Variants in TSNARE1 observed in about 807,000 individuals in gnomAD.
The protein encoded by TSNARE1 is t-SNARE domain-containing protein 1.
In TSNARE1, 49 loss-of-function variants were observed where a neutral mutation model predicts 62.0. The ratio of observed to expected loss-of-function variants is 0.79; its 90% CI spans 0.63 to 1.00. The LOEUF (loss-of-function observed/expected upper bound fraction) is 1.00, where lower values mean the gene tolerates loss of function less well. TSNARE1 is among the 50% of genes least tolerant of loss of function. The pLI, the probability that TSNARE1 is intolerant of heterozygous loss-of-function variation, is 0.00. For synonymous variants in TSNARE1, 328 were observed against 294.4 expected, an observed-to-expected ratio of 1.11 and a Z score of -1.17; for missense variants, 755 against 700.1, an observed-to-expected ratio of 1.08 and a Z score of -0.88.
At chr8:142,281,596 GAC>G (rs1200407605) in intron 11 of TSNARE1, among the ~76,000 whole-genome samples, 2 of 151,990 alleles carry the variant, frequency 1.3e-5, no homozygotes, top group Non-Finnish European at 2.9e-5. Context: ...GTCAGAACTG[GAC>G]ACAGTCACCC....
intron 1 of TSNARE1, among the ~76,000 whole-genome samples, chr8:142,385,791 T>C (rs563149525): frequency 4.6e-4 from 70 of 152,352 alleles, no homozygotes; most frequent in African/African-American, 1.6e-3. Context: ...TTCCAATGAC[T>C]GCCATATCAA....
intron 1 of TSNARE1, among the ~76,000 whole-genome samples, chr8:142,398,411 C>T (rs1838054260): frequency 6.6e-6 from 1 of 151,454 alleles, no homozygotes; most frequent in African/African-American, 2.4e-5. Flanking sequence ...TGCCCCCAAA[C>T]CCTCCCAAAG....
rs897077086 is a variant in TSNARE1, at chr8:142,316,766, G to A, written c.985-1674C>T. The stretch of plus-strand genomic sequence containing the variant: ...AACCATACACTGTGCGTTTTCTTGC[G>A]TGGGGGCATGCAGTCTTCCAGCCTC... On this transcript the variant is annotated intron_variant, in intron 7 of 13. Coordinates refer to ENST00000524325, the MANE Select transcript of TSNARE1 (RefSeq NM_145003.5). Among the ~76,000 whole-genome samples the A allele has an allele frequency of 8.6e-5, 13 of 151,960 alleles. 2 individuals are homozygous for A. The highest frequency in any genetic ancestry group is 1.7e-4 in the African/African-American group (7 of 41,570).
chr8:142,392,843 G>T (rs1837631721), intron 1 of TSNARE1, among the ~76,000 whole-genome samples: 1 of 152,118 alleles, frequency 6.6e-6, no homozygotes. Flanking sequence ...AAGAGGCTGA[G>T]GCAGGAGAAT....
intron 7 of TSNARE1, among the ~76,000 whole-genome samples, chr8:142,316,509 ACTGT>A (rs1236342032): frequency 4.0e-5 from 6 of 151,680 alleles, no homozygotes; most frequent in Non-Finnish European, 4.4e-5. Flanking sequence ...AAGTTTTATT[ACTGT>A]CTAATTTAGA....
chr8:142,297,643 C>A (rs944769893), intron 10 of TSNARE1, among the ~76,000 whole-genome samples: 2 of 152,322 alleles, frequency 1.3e-5, no homozygotes, highest in South Asian at 4.1e-4. Context: ...CCGCCCACCC[C>A]CCGAGCCCTG....
chr8:142,299,600 C>T (rs1563858557), intron 10 of TSNARE1, among the ~76,000 whole-genome samples: 1 of 152,248 alleles, frequency 6.6e-6, no homozygotes, highest in Admixed American at 6.5e-5. Flanking sequence ...GGCTCACTCA[C>T]ATATGCATGC....
intron 1 of TSNARE1, among the ~76,000 whole-genome samples, chr8:142,400,059 G>A (rs1037452814): frequency 3.3e-5 from 5 of 152,068 alleles, no homozygotes; most frequent in Non-Finnish European, 2.9e-5. Context: ...AAAAGAGGTG[G>A]CTGGGCACGG....
In TSNARE1 at chr8:142,342,858, G is replaced by A. The variant is rs866834327; in HGVS notation, c.745+1108C>T. On this transcript the variant is annotated intron_variant, in intron 4 of 13. Transcript: ENST00000524325. ...GACACCTGTTCCAGCACCTGTCCAG[G>A]CAACTTCCGGACACCTGTCCCAGCA... Among the ~76,000 whole-genome samples the A allele has an allele frequency of 1.1e-4, 16 of 147,838 alleles. No homozygotes were observed. In the Middle Eastern group the frequency reaches 0.011, roughly 100 times the overall value.
At chr8:142,263,392 G>A (rs765367742) in intron 12 of TSNARE1, among the ~76,000 whole-genome samples, 41 of 152,316 alleles carry the variant, frequency 2.7e-4, no homozygotes, top group African/African-American at 7.9e-4. Flanking sequence ...CCAACCTGGC[G>A]AGGATGCCGT....
At chr8:142,315,616 G>A (rs1230047381) in intron 7 of TSNARE1, among the ~76,000 whole-genome samples, 4 of 150,436 alleles carry the variant, frequency 2.7e-5, no homozygotes, top group African/African-American at 2.5e-5. Context: ...GGAGAAGCAC[G>A]GAGCCGGGGT....
chr8:142,216,969 C>T (rs1235447673), intron 13 of TSNARE1, among the ~76,000 whole-genome samples: 3 of 152,074 alleles, frequency 2.0e-5, no homozygotes, highest in South Asian at 2.1e-4. Context: ...AAGGACCGGG[C>T]GCGGTGGCTC....
At chr8:142,335,111 G>A (rs1323798488) in intron 4 of TSNARE1, among the ~76,000 whole-genome samples, 1 of 152,154 alleles carries the variant, frequency 6.6e-6, no homozygotes, top group Non-Finnish European at 1.5e-5. Context: ...ATGACGTGTG[G>A]TCCTGAATGT....
At chr8:142,309,541 T>C (rs1202642339) in intron 9 of TSNARE1, among the ~76,000 whole-genome samples, 1 of 152,240 alleles carries the variant, frequency 6.6e-6, no homozygotes, top group Non-Finnish European at 1.5e-5. Flanking sequence ...ACTTATTCTA[T>C]ATTACATGGT....
chr8:142,231,682 C>T (rs951751137), intron 12 of TSNARE1, among the ~76,000 whole-genome samples: 4 of 152,194 alleles, frequency 2.6e-5, no homozygotes, highest in Non-Finnish European at 5.9e-5. Flanking sequence ...GCTGCCCTTT[C>T]CCAAGCATCA....
intron 6 of TSNARE1, among the ~76,000 whole-genome samples, chr8:142,327,608 C>G (rs963345182): frequency 6.6e-6 from 1 of 152,240 alleles, no homozygotes; most frequent in African/African-American, 2.4e-5. Context: ...GCTGGCCACC[C>G]CTCTGCCACA....
In TSNARE1 at chr8:142,319,849, G is replaced by C. The variant is rs921024296; in HGVS notation, c.894-1215C>G. On this transcript the variant is annotated intron_variant, in intron 6 of 13. Transcript: ENST00000524325. This position sits in a 1 kb window ranked among gnomAD's most constrained non-coding sequence, Gnocchi z 4.9. ...GGGTGTGGGCCAAGGAGGGCAAGGA[G>C]CCATAAGGTTACTACAGACTAGGCG... is the stretch of plus-strand genomic sequence containing the variant. Among the ~76,000 whole-genome samples, 19 of 152,308 alleles carry C rather than the reference G, an allele frequency of 1.2e-4. No individual in the cohort carries two copies. The highest frequency in any genetic ancestry group is 4.3e-4 in the African/African-American group (18 of 41,570).
intron 1 of TSNARE1, among the ~76,000 whole-genome samples, chr8:142,388,067 G>C (rs1837224842): frequency 6.6e-6 from 1 of 152,044 alleles, no homozygotes; most frequent in Non-Finnish European, 1.5e-5. Context: ...CAGAGCAAGT[G>C]AAGTATAATC....
At position 142,318,540 on chromosome 8, in the gene TSNARE1, A is replaced by G. The variant is rs1828943361; in HGVS notation, c.984+4T>C. 3 of 1,611,982 alleles carry G rather than the reference A, an allele frequency of 1.9e-6. No homozygotes were observed. Among genetic ancestry groups the G allele is most frequent in the Non-Finnish European group, 2.5e-6 (3 of 1,179,864 alleles). On this transcript the variant is annotated splice_donor_region_variant and intron_variant, in intron 7 of 13. Coordinates refer to ENST00000524325, the MANE Select transcript of TSNARE1 (RefSeq NM_145003.5). ...CCTCCCAGCCCCAGACCCCAGGAAC[A>G]TACCGGGCAGGAGCTGCGCAGCAGC... is the stretch of plus-strand genomic sequence containing the variant.
Sources: gnomAD v4.1 joint callset for allele counts (sites outside exome capture counted in the v4.1 genomes callset) on GRCh38, gnomAD v4.1.1 for gene constraint, Gnocchi (gnomAD v3.1) non-coding constraint, MANE v1.5 for transcripts, NCBI Gene and HGNC (gene_info 2026-07-23, HGNC 2026-07-21) for gene names.